TBC1D31: variants seen among roughly 807,000 people sequenced by gnomAD.
TBC1D31 encodes the protein TBC1 domain family member 31, also known as WD repeat domain 67.
Under a neutral mutation model 132.9 loss-of-function variants are expected in TBC1D31, and 99 were observed. The observed-to-expected ratio is 0.74, with a 90% CI of 0.63 to 0.88. TBC1D31 has a LOEUF of 0.88. TBC1D31 is among the 40% of genes least tolerant of loss of function. The pLI is 0.00. For synonymous variants in TBC1D31, 385 were observed against 419.4 expected (o/e 0.92, Z 1.00); for missense variants, 1,134 against 1,256.6 (o/e 0.90, Z 1.48).
At chr8:123,138,863 G>T (rs1821344108) in intron 17 of TBC1D31, among the ~76,000 whole-genome samples, 1 of 152,162 alleles carries the variant, frequency 6.6e-6, no homozygotes, top group Non-Finnish European at 1.5e-5. Flanking sequence ...AGGCTGGAGT[G>T]CAGTGGCGTG....
chr8:123,162,017 C>CAAAAAAAAA, the TBC1D31 span, among the ~76,000 whole-genome samples: 1 of 76,118 alleles, frequency 1.3e-5, no homozygotes, highest in Non-Finnish European at 2.5e-5. Context: ...GAGTCCGACT[C>CAAAAAAAAA]AAAAAAAAAA....
At chr8:123,147,487 A>G (rs916340513) in intron 20 of TBC1D31, among the ~76,000 whole-genome samples, 6 of 152,128 alleles carry the variant, frequency 3.9e-5, no homozygotes, top group African/African-American at 7.2e-5. Flanking sequence ...CTTGTTTTAG[A>G]AAGAAAAATA....
intron 21 of TBC1D31, among the ~76,000 whole-genome samples, chr8:123,150,805 AG>A (rs1241781198): frequency 3.3e-5 from 5 of 152,256 alleles, no homozygotes; most frequent in African/African-American, 4.8e-5. Flanking sequence ...TATTTTTAAA[AG>A]GGAGGAGGAG....
chr8:123,128,470 C>T lies in TBC1D31; in HGVS notation c.2074C>T (p.Arg692Ter), dbSNP rs771850028. The T allele has an allele frequency of 2.2e-5, 36 of 1,612,226 alleles. No homozygotes were observed. Among genetic ancestry groups the T allele is most frequent in the Non-Finnish European group, 2.9e-5 (34 of 1,178,964 alleles). Residue 692 changes from arginine (R) to a stop codon, truncating the protein, a stop_gained, in exon 14 of 22, where the codon CGA (arginine) becomes TGA (stop). Transcript: ENST00000287380. LOFTEE classifies it high-confidence loss of function. ...KFIVDYQTQE[R>*]ERIRNDELDY... is the part of the protein sequence containing the mutation. ...TATTGTGGACTATCAAACACAGGAA[C>T]GAGAAAGAATAAGGAATGATGAATT...
At chr8:123,124,071 A>AG (rs1819771036) in intron 11 of TBC1D31, among the ~76,000 whole-genome samples, 1 of 150,722 alleles carries the variant, frequency 6.6e-6, no homozygotes, top group Non-Finnish European at 1.5e-5. Context: ...ATAATTGAAA[A>AG]AAAAAAAAAA....
intron 16 of TBC1D31, among the ~76,000 whole-genome samples, chr8:123,130,707 C>T (rs1329164552): frequency 2.0e-5 from 3 of 151,004 alleles, no homozygotes; most frequent in Non-Finnish European, 3.0e-5. Flanking sequence ...GTGCAACCTC[C>T]GCCTCCCGGG....
At chr8:123,078,826 T>C (rs1400839427) in intron 2 of TBC1D31, among the ~76,000 whole-genome samples, 1 of 148,020 alleles carries the variant, frequency 6.8e-6, no homozygotes, top group Non-Finnish European at 1.5e-5. Flanking sequence ...GGCATGGATA[T>C]TGAATAGTCA....
At chr8:123,102,801 T>G (rs1307541009) in intron 7 of TBC1D31, 1 of 152,444 alleles carries the variant, frequency 6.6e-6, no homozygotes, top group Admixed American at 6.5e-5. Flanking sequence ...GTGATCTACT[T>G]AATACCATTT....
chr8:123,140,530 T>G (rs994342695), intron 17 of TBC1D31, among the ~76,000 whole-genome samples: 3 of 152,142 alleles, frequency 2.0e-5, no homozygotes, highest in African/African-American at 4.8e-5. Context: ...GCTGAAGAAG[T>G]TCATTTTGAC....
rs1271470293 is a variant in TBC1D31 at position 123,151,874 on chromosome 8, C to T, written c.3136C>T (p.Leu1046Phe). 1.9e-6 allele frequency: 3 copies of T among 1,592,960 alleles called. No individual in the cohort carries two copies. In the South Asian group the frequency reaches 3.5e-5, roughly 19 times the overall value. Reference sequence around the variant, plus strand: ...GAATCTTATTAAGAAAGTGAGAAATCTTCGCCAGAGACTCACTGCCCGGGC... The same window carrying T: ...GAATCTTATTAAGAAAGTGAGAAATTTTCGCCAGAGACTCACTGCCCGGGC... ...GQNLIKKVRN[L>F]RQRLTARARH... The change falls in exon 22 of 22, where the codon CTT (leucine) becomes TTT (phenylalanine). Residue 1046 changes from leucine to phenylalanine, a missense_variant. Leu to Phe is a conservative substitution (Grantham distance 22). Coordinates refer to ENST00000287380, the MANE Select transcript of TBC1D31 (RefSeq NM_145647.4).
intron 8 of TBC1D31, among the ~76,000 whole-genome samples, chr8:123,107,701 G>A (rs1047817503): frequency 3.3e-5 from 5 of 152,210 alleles, no homozygotes; most frequent in African/African-American, 9.6e-5. Flanking sequence ...GTATCTGGCA[G>A]CATTGTAGTG....
intron 10 of TBC1D31, among the ~76,000 whole-genome samples, chr8:123,113,241 G>A (rs192152286): frequency 7.9e-5 from 12 of 152,126 alleles, no homozygotes; most frequent in East Asian, 3.9e-4. Flanking sequence ...TAATTTTTCC[G>A]TATCCTAGGA....
intron 4 of TBC1D31, among the ~76,000 whole-genome samples, chr8:123,088,160 G>C (rs955144214): frequency 2.0e-5 from 3 of 151,094 alleles, no homozygotes; most frequent in Non-Finnish European, 4.4e-5. Flanking sequence ...TTGCACTCCA[G>C]TGTGGGCAAC....
At chr8:123,073,937 C>G (rs780077693) in intron 1 of TBC1D31, among the ~76,000 whole-genome samples, 1 of 152,192 alleles carries the variant, frequency 6.6e-6, no homozygotes, top group East Asian at 1.9e-4. Flanking sequence ...CCGCCTGTCT[C>G]AGTCTCCCAA....
the TBC1D31 span, among the ~76,000 whole-genome samples, chr8:123,161,029 G>A: frequency 6.6e-6 from 1 of 152,110 alleles, no homozygotes; most frequent in Admixed American, 6.5e-5. Context: ...CCACGGGGTC[G>A]CAGATGAGGG....
intron 17 of TBC1D31, among the ~76,000 whole-genome samples, chr8:123,135,551 A>G (rs1384659203): frequency 6.6e-6 from 1 of 152,164 alleles, no homozygotes; most frequent in Non-Finnish European, 1.5e-5. Context: ...CAGTGAGCCA[A>G]GATTGTGCAC....
Position 123,144,754 on chromosome 8 carries a change from C to A in TBC1D31, c.2873C>A (p.Ser958Ter). Residue 958 changes from serine to a stop codon, truncating the protein, a stop_gained, in exon 20 of 22, where the codon TCA (serine) becomes TAA (stop). Transcript: ENST00000287380. LOFTEE classifies it high-confidence loss of function. The stretch of plus-strand genomic sequence containing the variant: ...GAAGGAAAAGAGTTCCGTTTGAGAT[C>A]AGCAAAGAAAGCTTCTGCTCTTTCA... ...EAEGKEFRLR[S>*]AKKASALSDA... 1 of 1,610,120 alleles carries A rather than the reference C, an allele frequency of 6.2e-7. No individual in the cohort carries two copies. Among genetic ancestry groups the A allele is most frequent in the South Asian group, 1.1e-5 (1 of 89,716 alleles).
intron 21 of TBC1D31, 38 bp downstream of exon 21, chr8:123,150,166 T>C: frequency 6.5e-7 from 1 of 1,528,102 alleles, no homozygotes. Flanking sequence ...TCTGCCATTT[T>C]AAATTTCACA....
chr8:123,112,227 C>A (rs1818517068), intron 10 of TBC1D31, among the ~76,000 whole-genome samples: 3 of 152,114 alleles, frequency 2.0e-5, no homozygotes, highest in Admixed American at 2.0e-4. Context: ...ATGCCACTAG[C>A]TCACTACACA....
Sources: gnomAD v4.1 joint callset for allele counts (sites outside exome capture counted in the v4.1 genomes callset) on GRCh38, gnomAD v4.1.1 for gene constraint, MANE v1.5 for transcripts, NCBI Gene and HGNC (gene_info 2026-07-23, HGNC 2026-07-21) for gene names.